The following RNF152 variants were observed in gnomAD, a reference collection of about 807,000 sequenced individuals.
RNF152 encodes the protein ring finger protein 152, also known as E3 ubiquitin-protein ligase RNF152.
Under a neutral mutation model 12.7 loss-of-function variants are expected in RNF152, and 11 were observed. That is an observed-to-expected ratio of 0.86 (90% CI 0.54 to 1.43). The LOEUF (loss-of-function observed/expected upper bound fraction) is 1.43, where lower values mean the gene tolerates loss of function less well. RNF152 is among the 40% of genes most tolerant of loss of function. The probability of loss-of-function intolerance (pLI) is 0.00; values close to 1 mark genes in which losing one functional copy is unlikely to be tolerated. For synonymous variants in RNF152, 113 were observed against 120.3 expected (o/e 0.94, Z 0.40); for missense variants, 255 against 274.8 (o/e 0.93, Z 0.51).
chr18:61,886,069 A>G (rs1218191831), intron 1 of RNF152, among the ~76,000 whole-genome samples: 1 of 141,772 alleles, frequency 7.1e-6, no homozygotes, highest in Admixed American at 7.5e-5. Flanking sequence ...GTAACAACTA[A>G]TTTTGTTAGA....
At chr18:61,861,136 A>G (rs1200698396) in intron 1 of RNF152, among the ~76,000 whole-genome samples, 1 of 152,174 alleles carries the variant, frequency 6.6e-6, no homozygotes, top group Non-Finnish European at 1.5e-5. Context: ...AGTGTAGTCT[A>G]AGTGTACTGT....
At chr18:61,886,268 C>T (rs540975493) in intron 1 of RNF152, among the ~76,000 whole-genome samples, 9 of 152,234 alleles carry the variant, frequency 5.9e-5, no homozygotes, top group African/African-American at 2.2e-4. Context: ...CTTTAAATCA[C>T]TGTAAGTCAA....
intron 1 of RNF152, among the ~76,000 whole-genome samples, chr18:61,833,924 C>T (rs1406688149): frequency 3.3e-5 from 5 of 152,158 alleles, no homozygotes; most frequent in Non-Finnish European, 2.9e-5. Context: ...ATATCAGATG[C>T]GCTAAGAATA....
At chr18:61,864,269 A>G (rs77791786) in intron 1 of RNF152, among the ~76,000 whole-genome samples, 4,262 of 152,266 alleles carry the variant, frequency 0.028, 208 homozygotes, top group African/African-American at 0.097. Context: ...CTGACTGGCT[A>G]TCAGTGGGGT....
At position 61,812,961 on chromosome 18, in the gene RNF152, G is replaced by A. The variant is rs952961330; in HGVS notation, c.*2891C>T. 2.0e-5 allele frequency: 3 copies of A among 152,182 alleles called. No individual in the cohort carries two copies. The highest frequency in any genetic ancestry group is 4.8e-5 in the African/African-American group (2 of 41,434). The allele number at this position is 152,182 out of a possible 1,614,324, so 9.4% of individuals were successfully genotyped here. On this transcript the variant is annotated 3_prime_UTR_variant, in exon 2 of 2. Coordinates refer to ENST00000312828, the MANE Select transcript of RNF152 (RefSeq NM_173557.3). ...TATAGACAGACCTAGGATGGAGCAAGAAGACACTGCAGTGCGAAGTTCATA... is the reference window on the plus strand; with the variant it reads ...TATAGACAGACCTAGGATGGAGCAAAAAGACACTGCAGTGCGAAGTTCATA...
intron 1 of RNF152, among the ~76,000 whole-genome samples, chr18:61,872,394 T>C (rs1912033778): frequency 6.6e-6 from 1 of 152,212 alleles, no homozygotes; most frequent in South Asian, 2.1e-4. Context: ...GGAAACTTCA[T>C]AGAGCAACAG....
chr18:61,846,714 T>C (rs1249292756), intron 1 of RNF152, among the ~76,000 whole-genome samples: 1 of 152,184 alleles, frequency 6.6e-6, no homozygotes, highest in Non-Finnish European at 1.5e-5. Context: ...GGGAAATTCA[T>C]AGAAACATTT....
intron 1 of RNF152, among the ~76,000 whole-genome samples, chr18:61,851,042 C>T (rs1033884064): frequency 4.0e-5 from 6 of 151,302 alleles, no homozygotes; most frequent in Admixed American, 2.6e-4. Flanking sequence ...CAGCCAGTGA[C>T]CTTTCTCTGT....
intron 1 of RNF152, among the ~76,000 whole-genome samples, chr18:61,866,434 C>T (rs959515272): frequency 8.2e-6 from 1 of 122,586 alleles, no homozygotes; most frequent in African/African-American, 3.2e-5. Context: ...TCTGCGAGGA[C>T]AAGATTCACA....
At chr18:61,829,847 T>C (rs1307986531) in intron 1 of RNF152, among the ~76,000 whole-genome samples, 1 of 152,022 alleles carries the variant, frequency 6.6e-6, no homozygotes, top group African/African-American at 2.4e-5. Flanking sequence ...GTAATCTGGG[T>C]TTTGTCTTGT....
At chr18:61,855,861 C>T (rs1051025403) in intron 1 of RNF152, among the ~76,000 whole-genome samples, 2 of 152,224 alleles carry the variant, frequency 1.3e-5, no homozygotes, top group African/African-American at 4.8e-5. Context: ...CGGCTGGTGA[C>T]TCCCAGAGGA....
upstream of RNF152, chr18:61,893,248 T>G (rs1306411470): frequency 6.6e-6 from 1 of 152,150 alleles, no homozygotes. Flanking sequence ...ACTGGCAAAA[T>G]CTACCAGGTA....
intron 1 of RNF152, among the ~76,000 whole-genome samples, chr18:61,818,155 G>A (rs1399772399): frequency 6.6e-6 from 1 of 152,202 alleles, no homozygotes; most frequent in African/African-American, 2.4e-5. Flanking sequence ...CGGCGTGGGG[G>A]CTCACACCTG....
chr18:61,816,702 G>A, intron 1 of RNF152, 104 bp from the exon 2 acceptor site: 1 of 436,790 alleles, frequency 2.3e-6, no homozygotes, highest in Non-Finnish European at 4.1e-6. Flanking sequence ...TTGACACTGG[G>A]CCAAAAGCCT....
intron 1 of RNF152, among the ~76,000 whole-genome samples, chr18:61,838,641 C>T (rs1910297137): frequency 6.6e-6 from 1 of 152,174 alleles, no homozygotes; most frequent in African/African-American, 2.4e-5. Flanking sequence ...GGTCCCCAGA[C>T]AGCACTAACA....
chr18:61,845,836 C>A (rs1274551292), intron 1 of RNF152, among the ~76,000 whole-genome samples: 4 of 151,930 alleles, frequency 2.6e-5, no homozygotes, highest in African/African-American at 9.7e-5. Context: ...CACACTGCTA[C>A]AGTCTCAATG....
At chr18:61,872,312 G>A (rs1192707379) in intron 1 of RNF152, among the ~76,000 whole-genome samples, 1 of 152,090 alleles carries the variant, frequency 6.6e-6, no homozygotes, top group Non-Finnish European at 1.5e-5. Flanking sequence ...CATGAGATTT[G>A]GGTGGGGACA....
intron 1 of RNF152, among the ~76,000 whole-genome samples, chr18:61,836,880 G>A (rs1196204289): frequency 1.3e-5 from 2 of 152,130 alleles, no homozygotes; most frequent in African/African-American, 4.8e-5. Flanking sequence ...GACCAATTTA[G>A]GCATAAATCA....
At chr18:61,845,021 T>A (rs1342653445) in intron 1 of RNF152, among the ~76,000 whole-genome samples, 2 of 152,206 alleles carry the variant, frequency 1.3e-5, no homozygotes, top group Non-Finnish European at 2.9e-5. Context: ...TTGGTGCCAC[T>A]GTAGGATTGT....
Sources: gnomAD v4.1 joint callset for allele counts (sites outside exome capture counted in the v4.1 genomes callset) on GRCh38, gnomAD v4.1.1 for gene constraint, MANE v1.5 for transcripts, NCBI Gene and HGNC (gene_info 2026-07-23, HGNC 2026-07-21) for gene names.